CADM2: variants seen among roughly 807,000 people sequenced by gnomAD.
CADM2 encodes the protein immunoglobulin superfamily member 4D.
Under a neutral mutation model 49.8 loss-of-function variants are expected in CADM2, and 12 were observed. That is an observed-to-expected ratio of 0.24 (90% CI 0.15 to 0.39). CADM2 has a LOEUF of 0.39. CADM2 is among the 10% of genes least tolerant of loss of function. CADM2 has a pLI of 1.00. For synonymous variants in CADM2, 214 were observed against 175.4 expected (o/e 1.22, Z -1.74); for missense variants, 378 against 492.3 (o/e 0.77, Z 2.20).
intron 1 of CADM2, among the ~76,000 whole-genome samples, chr3:85,086,475 C>T (rs894974470): frequency 2.3e-4 from 34 of 149,590 alleles, no homozygotes; most frequent in Non-Finnish European, 4.7e-4. Context: ...AGATTTAGAT[C>T]TCCTAATGAA....
intron 1 of CADM2, among the ~76,000 whole-genome samples, chr3:85,536,498 A>G (rs952137711): frequency 6.6e-6 from 1 of 151,554 alleles, no homozygotes; most frequent in African/African-American, 2.4e-5. Flanking sequence ...AAAAAATGAC[A>G]TTTATTATTT....
At chr3:84,978,757 G>A (rs1049792144) in intron 1 of CADM2, among the ~76,000 whole-genome samples, 1 of 152,078 alleles carries the variant, frequency 6.6e-6, no homozygotes, top group African/African-American at 2.4e-5. Flanking sequence ...AATTATAACT[G>A]AATTATATGA....
At chr3:85,974,044 T>A (rs1726473545) in intron 8 of CADM2, among the ~76,000 whole-genome samples, 1 of 151,418 alleles carries the variant, frequency 6.6e-6, no homozygotes, top group Admixed American at 6.6e-5. Flanking sequence ...TAAGACAAAG[T>A]GATATTTTAA....
intron 1 of CADM2, among the ~76,000 whole-genome samples, chr3:85,460,660 A>G (rs1017282611): frequency 2.0e-5 from 3 of 152,032 alleles, no homozygotes; most frequent in Non-Finnish European, 4.4e-5. Context: ...TACATAGGAA[A>G]TTGGGTAAAT....
intron 1 of CADM2, among the ~76,000 whole-genome samples, chr3:84,994,884 C>T (rs374487565): frequency 1.6e-4 from 25 of 151,742 alleles, no homozygotes; most frequent in African/African-American, 5.1e-4. Flanking sequence ...AAAAATAAGC[C>T]GGGCGTGGTG....
chr3:85,466,155 A>C (rs896576999), intron 1 of CADM2, among the ~76,000 whole-genome samples: 4 of 152,180 alleles, frequency 2.6e-5, no homozygotes, highest in African/African-American at 9.7e-5. Flanking sequence ...TTGTGACAGT[A>C]GCAGAAGCAG....
At chr3:85,024,828 G>T (rs1212075220) in intron 1 of CADM2, among the ~76,000 whole-genome samples, 1 of 151,768 alleles carries the variant, frequency 6.6e-6, no homozygotes, top group Non-Finnish European at 1.5e-5. Context: ...AGGGAAATTT[G>T]CATTAACATA....
intron 7 of CADM2, among the ~76,000 whole-genome samples, chr3:85,959,771 A>G (rs1724590819): frequency 6.6e-6 from 1 of 151,946 alleles, no homozygotes; most frequent in Non-Finnish European, 1.5e-5. Flanking sequence ...CAGTAACATG[A>G]TGTACAAGTT....
At chr3:85,877,248 T>A (rs181044045) in intron 3 of CADM2, among the ~76,000 whole-genome samples, 1 of 152,274 alleles carries the variant, frequency 6.6e-6, no homozygotes, top group Non-Finnish European at 1.5e-5. Flanking sequence ...TTATTACACA[T>A]GCTCATTTCT....
At chr3:86,037,188 A>AT (rs1004975284) in intron 8 of CADM2, among the ~76,000 whole-genome samples, 7 of 151,778 alleles carry the variant, frequency 4.6e-5, no homozygotes, top group Non-Finnish European at 1.0e-4. Flanking sequence ...CTTGGTTTCC[A>AT]TTTTTTTCTA....
intron 1 of CADM2, among the ~76,000 whole-genome samples, chr3:85,297,964 A>T (rs1250350912): frequency 2.0e-5 from 3 of 152,064 alleles, no homozygotes; most frequent in Admixed American, 2.0e-4. Flanking sequence ...AAAACTGAAG[A>T]CATGAACTGA....
At position 85,347,223 on chromosome 3, in the gene CADM2, C is replaced by CAAAAAAAAAAA. The variant is rs11331703; in HGVS notation, c.62-379282_62-379272dup. On this transcript the variant is annotated intron_variant, in intron 1 of 9. Coordinates refer to ENST00000383699, the MANE Select transcript of CADM2 (RefSeq NM_001167675.2). ...GTCAACAGAGTGACACTCTGTCTCA[C>CAAAAAAAAAAA]AAAAAAAAAAAAAAAAAAAAAAAAA... 2.2e-4 allele frequency among the ~76,000 whole-genome samples: 10 copies of CAAAAAAAAAAA among 46,148 alleles called. 1 individual carries two copies. The highest frequency in any genetic ancestry group is 2.8e-4 in the Non-Finnish European group (8 of 29,060). The allele number at this position is 46,148 out of a possible 152,430, so 30.3% of individuals were successfully genotyped here. A position where few individuals can be genotyped will look rare whatever the true frequency, so the allele number is the denominator to read the frequency against.
At chr3:85,104,469 G>A (rs1464381577) in intron 1 of CADM2, among the ~76,000 whole-genome samples, 1 of 152,148 alleles carries the variant, frequency 6.6e-6, no homozygotes, top group Non-Finnish European at 1.5e-5. Context: ...TTTGGTTACT[G>A]TAGGCTTGTA....
chr3:85,377,154 C>A (rs1360815066), intron 1 of CADM2, among the ~76,000 whole-genome samples: 1 of 152,038 alleles, frequency 6.6e-6, no homozygotes, highest in South Asian at 2.1e-4. Flanking sequence ...TAGCAATATA[C>A]ATATTTATGC....
intron 1 of CADM2, among the ~76,000 whole-genome samples, chr3:85,709,533 T>TA (rs2067051917): frequency 6.6e-6 from 1 of 152,192 alleles, no homozygotes; most frequent in African/African-American, 2.4e-5. Context: ...AAATGGTTCT[T>TA]ATTTATGATG....
At chr3:85,094,386 A>G (rs1457891000) in intron 1 of CADM2, among the ~76,000 whole-genome samples, 1 of 152,084 alleles carries the variant, frequency 6.6e-6, no homozygotes, top group Non-Finnish European at 1.5e-5. Flanking sequence ...CTGACCAACC[A>G]TTTTATAAAT....
At chr3:85,189,728 G>A (rs77896578) in intron 1 of CADM2, among the ~76,000 whole-genome samples, 5,434 of 152,108 alleles carry the variant, frequency 0.036, 124 homozygotes, top group Middle Eastern at 0.058. Flanking sequence ...CTTTAGGGGG[G>A]ACCTCCAGCT....
intron 1 of CADM2, among the ~76,000 whole-genome samples, chr3:85,026,712 AG>A (rs2034744621): frequency 6.6e-6 from 1 of 152,218 alleles, no homozygotes; most frequent in Non-Finnish European, 1.5e-5. Context: ...TGAATATAGA[AG>A]TTACCCAGAG....
intron 1 of CADM2, among the ~76,000 whole-genome samples, chr3:85,474,193 G>T (rs1484982354): frequency 1.3e-5 from 2 of 151,468 alleles, no homozygotes; most frequent in African/African-American, 4.8e-5. Context: ...TGTGTGTGTA[G>T]TGAGGGATTT....
Sources: gnomAD v4.1 joint callset for allele counts (sites outside exome capture counted in the v4.1 genomes callset) on GRCh38, gnomAD v4.1.1 for gene constraint, MANE v1.5 for transcripts, NCBI Gene and HGNC (gene_info 2026-07-23, HGNC 2026-07-21) for gene names.